Variants in MAIP1 observed in about 807,000 individuals in gnomAD.
MAIP1 encodes matrix AAA peptidase interacting protein 1.
A neutral mutation model predicts 31.2 loss-of-function variants in MAIP1; 28 were observed. That is an observed-to-expected ratio of 0.90 (90% confidence interval 0.67 to 1.23). The LOEUF (loss-of-function observed/expected upper bound fraction) is 1.23. Ranked by LOEUF, MAIP1 falls within the 50% of genes most tolerant of loss-of-function variation. The probability of loss-of-function intolerance (pLI) is 0.00; values close to 1 mark genes in which losing one functional copy is unlikely to be tolerated. For synonymous variants in MAIP1, 142 were observed against 142.3 expected (o/e 1.00, Z 0.02); for missense variants, 339 against 356.0 (o/e 0.95, Z 0.38).
At chr2:199,959,524 G>A (rs1163082520) in intron 2 of MAIP1, among the ~76,000 whole-genome samples, 185 bp downstream of exon 2, 2 of 152,038 alleles carry the variant, frequency 1.3e-5, no homozygotes, top group African/African-American at 4.8e-5. Flanking sequence ...GCCACTTAAG[G>A]CATAATGAAG....
intron 3 of MAIP1, among the ~76,000 whole-genome samples, chr2:199,961,230 A>G (rs1036142156): frequency 6.6e-6 from 1 of 152,166 alleles, no homozygotes; most frequent in African/African-American, 2.4e-5. Context: ...TGGGAGGCTG[A>G]GGCAGGTGGA....
At chr2:199,961,661 C>A in intron 3 of MAIP1, 120 bp from the exon 4 acceptor site, 1 of 783,468 alleles carries the variant, frequency 1.3e-6, no homozygotes, top group Non-Finnish European at 2.0e-6. Context: ...TCAGAATAAG[C>A]ACAAAATTTG....
Position 199,955,940 on chromosome 2 carries a change from G to T in MAIP1, c.142G>T (p.Gly48Cys). ...TLCYFCRCRL[G>C]LGAALFPRSA... ...TTGCTACTTCTGCCGCTGTCGCCTC[G>T]GCTTGGGAGCGGCGTTATTTCCACG... The change falls in exon 1 of 5, where the codon GGC (glycine) becomes TGC (cysteine). Residue 48 changes from glycine (G) to cysteine (C), a missense_variant. Gly to Cys is a radical substitution (Grantham distance 159). Coordinates refer to ENST00000392290, the MANE Select transcript of MAIP1 (RefSeq NM_001394955.1). 5.0e-6 allele frequency: 8 copies of T among 1,603,530 alleles called. No homozygotes were observed. The highest frequency in any genetic ancestry group is 2.6e-6 in the Non-Finnish European group (3 of 1,173,268).
Position 199,955,611 on chromosome 2 carries a change from G to C in MAIP1, c.-188G>C. On this transcript the variant is annotated 5_prime_UTR_variant, in exon 1 of 5. Coordinates refer to ENST00000392290, the MANE Select transcript of MAIP1 (RefSeq NM_001394955.1). ...TCCAGAGTGGCTGGGTCCGAGCGCG[G>C]GGCGGGTTGCCGAAGGGCCTCGGCC... 7.9e-7 allele frequency: 1 copy of C among 1,265,584 alleles called. No individual in the cohort carries two copies. The highest frequency in any genetic ancestry group is 1.1e-6 in the Non-Finnish European group (1 of 929,634). The allele number at this position is 1,265,584 out of a possible 1,614,324, so 78.4% of individuals were successfully genotyped here.
intron 2 of MAIP1, 109 bp downstream of exon 2, chr2:199,959,448 A>G (rs2077624683): frequency 1.4e-6 from 1 of 722,088 alleles, no homozygotes; most frequent in Admixed American, 2.1e-5. Context: ...GCCAGCATCC[A>G]AAGTAGAGTC....
At chr2:199,959,693 C>T (rs975981344) in intron 2 of MAIP1, 61 bp from the exon 3 acceptor site, 36 of 1,458,416 alleles carry the variant, frequency 2.5e-5, no homozygotes, top group Non-Finnish European at 3.3e-5. Context: ...ATAAAGATCA[C>T]TTTTTGAAAG....
Position 199,955,782 on chromosome 2 carries a change from T to G in MAIP1, c.-17T>G, listed in dbSNP as rs281766. ...TCCATACAGCACCGGCAGGCACCGGTGTGAAGGGTCATAAAAATGGCGCTG... is the reference window on the plus strand; with the variant it reads ...TCCATACAGCACCGGCAGGCACCGGGGTGAAGGGTCATAAAAATGGCGCTG... On this transcript the variant is annotated 5_prime_UTR_variant, in exon 1 of 5. Transcript: ENST00000392290. 0.82 allele frequency: 1,236,133 copies of G among 1,513,510 alleles called. 506,167 individuals carry two copies. The highest frequency in any genetic ancestry group is 0.91 in the Admixed American group (40,125 of 44,014). 93.8% of individuals were successfully genotyped at this position (1,513,510 alleles called of 1,614,324 possible).
chr2:199,956,260 TC>T lies in MAIP1; in HGVS notation c.450+15del, dbSNP rs745594092. ...AGGGAGCGAAGCAGGTTTGTTTATT[TC>T]CCTGATTGACCTATCCGTCTCTAAT... On this transcript the variant is annotated intron_variant, in intron 1 of 4. Transcript: ENST00000392290. 1 of 1,595,388 alleles carries T rather than the reference TC, an allele frequency of 6.3e-7. No individual in the cohort carries two copies. Among genetic ancestry groups the T allele is most frequent in the African/African-American group, 1.3e-5 (1 of 74,598 alleles).
intron 4 of MAIP1, among the ~76,000 whole-genome samples, chr2:199,963,438 A>G (rs2077646584): frequency 6.6e-6 from 1 of 152,196 alleles, no homozygotes; most frequent in Non-Finnish European, 1.5e-5. Flanking sequence ...TACTAGCTAT[A>G]TGTGTTATTT....
chr2:199,962,345 G>A (rs1279404400), intron 4 of MAIP1, among the ~76,000 whole-genome samples: 1 of 152,122 alleles, frequency 6.6e-6, no homozygotes, highest in South Asian at 2.1e-4. Flanking sequence ...TGGCACCTTG[G>A]TACTCCTTGG....
chr2:199,960,343 T>C (rs999188052), intron 3 of MAIP1, among the ~76,000 whole-genome samples: 7 of 152,158 alleles, frequency 4.6e-5, no homozygotes, highest in South Asian at 2.1e-4. Flanking sequence ...TTGAGAATAA[T>C]GAAAAAAGTT....
At chr2:199,960,887 T>G (rs1480937688) in intron 3 of MAIP1, among the ~76,000 whole-genome samples, 4 of 152,220 alleles carry the variant, frequency 2.6e-5, no homozygotes, top group Non-Finnish European at 5.9e-5. Flanking sequence ...AAATTTTTCA[T>G]GCACACATTA....
intron 1 of MAIP1, among the ~76,000 whole-genome samples, chr2:199,957,476 G>T (rs1203809349): frequency 6.6e-6 from 1 of 152,260 alleles, no homozygotes; most frequent in Middle Eastern, 3.4e-3. Flanking sequence ...TTAAAACCAT[G>T]CTATTGGTGT....
chr2:199,955,667 C>T lies in MAIP1; in HGVS notation c.-132C>T. 1.8e-6 allele frequency: 2 copies of T among 1,125,274 alleles called. No individual in the cohort carries two copies. The highest frequency in any genetic ancestry group is 1.6e-5 in the African/African-American group (1 of 63,922). The allele number at this position is 1,125,274 out of a possible 1,614,324, so 69.7% of individuals were successfully genotyped here. ...TGCGTGCTGGAGAGCGGGGACGGGG[C>T]CGACTCACCAGAGGCTGCAGCAACA... On this transcript the variant is annotated 5_prime_UTR_variant, in exon 1 of 5. Transcript: ENST00000392290.
At chr2:199,958,540 A>G (rs968001815) in intron 1 of MAIP1, among the ~76,000 whole-genome samples, 1 of 152,154 alleles carries the variant, frequency 6.6e-6, no homozygotes, top group African/African-American at 2.4e-5. Flanking sequence ...TGATCCTCCC[A>G]GATTGGGTTA....
rs779052354 is a variant in MAIP1, at chr2:199,955,849, G to C, written c.51G>C (p.Leu17=). ...CCCAGTTCCTGCACTCTCGGTCGCT[G>C]CCCTGCGGGGCCGTCCGACTCCGGA... ...LLPQFLHSRS[L]PCGAVRLRTP... is the part of the protein sequence containing the mutation. Residue 17 remains leucine, a synonymous_variant, in exon 1 of 5, where the codon CTG becomes CTC. Coordinates refer to ENST00000392290, the MANE Select transcript of MAIP1 (RefSeq NM_001394955.1). 2 of 1,524,556 alleles carry C rather than the reference G, an allele frequency of 1.3e-6. No individual in the cohort carries two copies. Among genetic ancestry groups the C allele is most frequent in the Admixed American group, 2.2e-5 (1 of 45,026 alleles). The allele number at this position is 1,524,556 out of a possible 1,614,324, so 94.4% of individuals were successfully genotyped here.
At position 199,955,582 on chromosome 2, in the gene MAIP1, A is replaced by C. The variant is rs2077593525; in HGVS notation, c.-217A>C. On this transcript the variant is annotated 5_prime_UTR_variant, in exon 1 of 5. Transcript: ENST00000392290. ...CAGAGAAAAGGTCCGCGAGGCCGGC[A>C]GACTCCAGAGTGGCTGGGTCCGAGC... 7.1e-7 allele frequency: 1 copy of C among 1,399,534 alleles called. No homozygotes were observed. The highest frequency in any genetic ancestry group is 9.7e-7 in the Non-Finnish European group (1 of 1,028,418). The allele number at this position is 1,399,534 out of a possible 1,614,324, so 86.7% of individuals were successfully genotyped here.
At chr2:199,959,729 A>T (rs760784207) in intron 2 of MAIP1, 25 bp from the exon 3 acceptor site, 1 of 1,592,348 alleles carries the variant, frequency 6.3e-7, no homozygotes, top group South Asian at 1.1e-5. Context: ...TCAGTGAACT[A>T]ATGGCTTGCT....
rs1451819016 is a variant in MAIP1, at chr2:199,959,793, G to T, written c.562G>T (p.Asp188Tyr). Reference sequence around the variant, plus strand: ...GAAAGAAAAGGTTACTTCACTACCTGACAACCATAAAAATGCCCTTGCTGC... The same window carrying T: ...GAAAGAAAAGGTTACTTCACTACCTTACAACCATAAAAATGCCCTTGCTGC... ...ALKEKVTSLPDNHKNALAANI... is the reference protein window; with the variant it reads ...ALKEKVTSLPYNHKNALAANI... Residue 188 changes from aspartate (D) to tyrosine (Y), a missense_variant, in exon 3 of 5, where the codon GAC (aspartate) becomes TAC (tyrosine). Transcript: ENST00000392290. 11 of 1,612,482 alleles carry T rather than the reference G, an allele frequency of 6.8e-6. No individual in the cohort carries two copies. Among genetic ancestry groups the T allele is most frequent in the Non-Finnish European group, 9.3e-6 (11 of 1,179,258 alleles).
Sources: allele counts gnomAD v4.1 joint callset (sites outside exome capture counted in the v4.1 genomes callset), GRCh38; gene constraint gnomAD v4.1.1; transcripts MANE v1.5; gene names NCBI Gene and HGNC (gene_info 2026-07-23, HGNC 2026-07-21).